SYT9: variants seen among roughly 807,000 people sequenced by gnomAD.
The protein encoded by SYT9 is synaptotagmin 9.
A neutral mutation model predicts 48.4 loss-of-function variants in SYT9; 22 were observed. The ratio of observed to expected loss-of-function variants is 0.45; its 90% CI spans 0.32 to 0.65. SYT9 has a LOEUF of 0.65. SYT9 is among the 30% of genes least tolerant of loss of function. The probability of loss-of-function intolerance (pLI) is 0.03; values close to 1 mark genes in which losing one functional copy is unlikely to be tolerated. For missense variants in SYT9, 577 were observed against 622.0 expected, an observed-to-expected ratio of 0.93 and a Z score of 0.77; for synonymous variants, 265 against 245.0, an observed-to-expected ratio of 1.08 and a Z score of -0.76.
At chr11:7,316,297 A>G (rs1171114770) in intron 3 of SYT9, among the ~76,000 whole-genome samples, 1 of 151,932 alleles carries the variant, frequency 6.6e-6, no homozygotes, top group African/African-American at 2.4e-5. Flanking sequence ...CCAAGAGAAA[A>G]CCACTATCTT....
intron 1 of SYT9, among the ~76,000 whole-genome samples, chr11:7,267,880 A>G (rs1848218514): frequency 6.6e-6 from 1 of 151,984 alleles, no homozygotes; most frequent in South Asian, 2.1e-4. Context: ...CACAAATATA[A>G]AGCAAAAAGA....
chr11:7,247,458 C>G (rs1257944591), upstream of SYT9, among the ~76,000 whole-genome samples: 1 of 150,292 alleles, frequency 6.7e-6, no homozygotes, highest in African/African-American at 2.5e-5. Context: ...GAGTAGTATT[C>G]CATCATATAT....
intron 1 of SYT9, among the ~76,000 whole-genome samples, chr11:7,260,225 A>G (rs1219504572): frequency 6.6e-6 from 1 of 152,224 alleles, no homozygotes; most frequent in Non-Finnish European, 1.5e-5. Context: ...AATTAATAAA[A>G]TCAAGAAGGG....
intron 1 of SYT9, among the ~76,000 whole-genome samples, chr11:7,262,446 T>C (rs1371783967): frequency 5.3e-5 from 8 of 152,046 alleles, no homozygotes; most frequent in Non-Finnish European, 1.0e-4. Context: ...GCTGAAATTA[T>C]CTAGGAAGGC....
intron 1 of SYT9, among the ~76,000 whole-genome samples, chr11:7,269,950 A>G (rs187109263): frequency 6.6e-6 from 1 of 152,342 alleles, no homozygotes; most frequent in Admixed American, 6.5e-5. Context: ...ACAGATTCTG[A>G]GAAGCACAAC....
intron 3 of SYT9, among the ~76,000 whole-genome samples, chr11:7,323,935 C>A (rs1169903631): frequency 6.6e-6 from 1 of 151,676 alleles, no homozygotes; most frequent in Non-Finnish European, 1.5e-5. Context: ...GGTGTACAAG[C>A]CTTAAAAATG....
chr11:7,386,518 A>T (rs375054815), intron 3 of SYT9, among the ~76,000 whole-genome samples: 5 of 152,214 alleles, frequency 3.3e-5, no homozygotes, highest in African/African-American at 1.2e-4. Flanking sequence ...AAAAGAAGAC[A>T]TTTATGCAGC....
At chr11:7,258,325 T>C (rs955040730) in intron 1 of SYT9, among the ~76,000 whole-genome samples, 9 of 152,156 alleles carry the variant, frequency 5.9e-5, no homozygotes, top group African/African-American at 2.2e-4. Context: ...GAAGTTTGAA[T>C]AAAATCACCA....
chr11:7,448,688 G>C (rs1331618388), intron 6 of SYT9, among the ~76,000 whole-genome samples: 1 of 152,230 alleles, frequency 6.6e-6, no homozygotes, highest in African/African-American at 2.4e-5. Context: ...GGCAAAACCT[G>C]CTCTACAGAG....
chr11:7,263,217 C>T (rs1029564851), intron 1 of SYT9, among the ~76,000 whole-genome samples: 4 of 152,182 alleles, frequency 2.6e-5, no homozygotes, highest in African/African-American at 9.6e-5. Context: ...ACATTTATTT[C>T]TCACAGTTCT....
chr11:7,398,078 G>T (rs997474956), intron 3 of SYT9, among the ~76,000 whole-genome samples: 2 of 152,144 alleles, frequency 1.3e-5, no homozygotes, highest in African/African-American at 4.8e-5. Context: ...CTTTCTTCAT[G>T]AGTATAATGT....
chr11:7,335,519 A>G (rs780194873), intron 3 of SYT9, among the ~76,000 whole-genome samples: 2 of 151,808 alleles, frequency 1.3e-5, no homozygotes, highest in Non-Finnish European at 2.9e-5. Flanking sequence ...CTTTGTGTCC[A>G]TGTGTTCTCA....
Position 7,466,882 on chromosome 11 carries a change from G to T in SYT9, c.*82G>T. On this transcript the variant is annotated 3_prime_UTR_variant, in exon 7 of 7. Transcript: ENST00000318881. ...GATCTTAAGTAACTTTTTCCATCCAGCAACATCCAGACGATTTCAGTGACC... is the reference window on the plus strand; with the variant it reads ...GATCTTAAGTAACTTTTTCCATCCATCAACATCCAGACGATTTCAGTGACC... 1 of 1,532,610 alleles carries T rather than the reference G, an allele frequency of 6.5e-7. No individual in the cohort carries two copies. Among genetic ancestry groups the T allele is most frequent in the Middle Eastern group, 1.7e-4 (1 of 5,816 alleles). 94.9% of individuals were successfully genotyped at this position (1,532,610 alleles called of 1,614,324 possible).
chr11:7,429,553 T>A (rs1210659135), intron 6 of SYT9, among the ~76,000 whole-genome samples: 2 of 152,204 alleles, frequency 1.3e-5, no homozygotes, highest in Admixed American at 1.3e-4. Context: ...TTCCCTTGGT[T>A]GTGTAAGCAA....
rs10732510 is a variant in SYT9, at chr11:7,467,696, A to C, written c.*896A>C. On this transcript the variant is annotated 3_prime_UTR_variant, in exon 7 of 7. Coordinates refer to ENST00000318881, the MANE Select transcript of SYT9 (RefSeq NM_175733.4). ...GTACAGCAATGGGTGAGATGAGATCATGGAGAGAGAACACAGCCATCCCCT... is the reference window on the plus strand; with the variant it reads ...GTACAGCAATGGGTGAGATGAGATCCTGGAGAGAGAACACAGCCATCCCCT... 76,228 of 152,238 alleles carry C rather than the reference A, an allele frequency of 0.5. 19,351 individuals are homozygous for C. The highest frequency in any genetic ancestry group is 0.58 in the Admixed American group (8,929 of 15,284). 9.4% of individuals were successfully genotyped at this position (152,238 alleles called of 1,614,324 possible). A position where few individuals can be genotyped will look rare whatever the true frequency, so the allele number is the denominator to read the frequency against.
At chr11:7,239,211 G>A (rs1048252173) in intron 1 of SYT9, among the ~76,000 whole-genome samples, 5 of 152,100 alleles carry the variant, frequency 3.3e-5, no homozygotes, top group African/African-American at 1.2e-4. Flanking sequence ...TAAATAATAT[G>A]GAATGAAGTA....
chr11:7,361,286 T>C (rs1490934462), intron 3 of SYT9, among the ~76,000 whole-genome samples: 1 of 152,186 alleles, frequency 6.6e-6, no homozygotes, highest in Non-Finnish European at 1.5e-5. Flanking sequence ...ATTCTCATAA[T>C]AATCACTGTT....
chr11:7,287,243 G>A (rs772663939), intron 1 of SYT9, among the ~76,000 whole-genome samples: 1 of 152,144 alleles, frequency 6.6e-6, no homozygotes, highest in Non-Finnish European at 1.5e-5. Flanking sequence ...GGGGGGAAAA[G>A]CCCCTTATAA....
intron 3 of SYT9, among the ~76,000 whole-genome samples, chr11:7,323,715 T>C (rs563789709): frequency 5.5e-4 from 83 of 152,168 alleles, no homozygotes; most frequent in Non-Finnish European, 1.0e-3. Context: ...TTTTATACTT[T>C]TTATGAAAAC....
Sources: gnomAD v4.1 joint callset for allele counts (sites outside exome capture counted in the v4.1 genomes callset) on GRCh38, gnomAD v4.1.1 for gene constraint, MANE v1.5 for transcripts, NCBI Gene and HGNC (gene_info 2026-07-23, HGNC 2026-07-21) for gene names.